Variants in ZNF181 observed in about 807,000 individuals in gnomAD.
ZNF181 encodes zinc finger protein 181 (HHZ181).
In ZNF181, 8 loss-of-function variants were observed where a neutral mutation model predicts 11.9. The ratio of observed to expected loss-of-function variants is 0.67; its 90% CI spans 0.39 to 1.21. ZNF181 has a LOEUF of 1.21. ZNF181 is among the 50% of genes most tolerant of loss of function. The probability of loss-of-function intolerance (pLI) is 0.01; values close to 1 mark genes in which losing one functional copy is unlikely to be tolerated. For missense variants in ZNF181, 542 were observed against 670.9 expected, an observed-to-expected ratio of 0.81 and a Z score of 2.12; for synonymous variants, 202 against 221.1, an observed-to-expected ratio of 0.91 and a Z score of 0.77.
Position 34,736,330 on chromosome 19 carries a change from G to C in ZNF181, c.9+1284G>C, listed in dbSNP as rs942565970. On this transcript the variant is annotated intron_variant, in intron 1 of 3. Transcript: ENST00000492450. ...CAGCTATTCGGGAGGGTGATGAGTT[G>C]AGAAAATTTCTTGAACCCTGTGGTG... 8.1e-5 allele frequency: 50 copies of C among 613,852 alleles called. No homozygotes were observed. The African/African-American group carries it at 8.8e-4, about 11-fold the overall frequency. 38.0% of individuals were successfully genotyped at this position (613,852 alleles called of 1,614,324 possible). A position where few individuals can be genotyped will look rare whatever the true frequency, so the allele number is the denominator to read the frequency against.
At chr19:34,740,356 T>A (rs1161182837) in intron 3 of ZNF181, among the ~76,000 whole-genome samples, 1 of 152,348 alleles carries the variant, frequency 6.6e-6, no homozygotes, top group South Asian at 2.1e-4. Context: ...ACTTCCTTTT[T>A]TTCCATACTA....
At chr19:34,735,215 C>T (rs2068870016) in intron 1 of ZNF181, among the ~76,000 whole-genome samples, 169 bp downstream of exon 1, 1 of 152,196 alleles carries the variant, frequency 6.6e-6, no homozygotes, top group Non-Finnish European at 1.5e-5. Flanking sequence ...AGGTATTATC[C>T]TCCTCACCCA....
chr19:34,735,420 G>A (rs759092926), intron 1 of ZNF181, among the ~76,000 whole-genome samples: 5 of 152,188 alleles, frequency 3.3e-5, no homozygotes, highest in Non-Finnish European at 7.3e-5. Context: ...CCTATATTCA[G>A]ATCCTCTAGT....
chr19:34,739,699 T>G (rs528457783), intron 3 of ZNF181, 78 bp downstream of exon 3: 1 of 1,445,210 alleles, frequency 6.9e-7, no homozygotes, highest in South Asian at 1.2e-5. Context: ...TTATAGTGAG[T>G]GTGGAGGCAT....
chr19:34,739,458 C>G lies in ZNF181; in HGVS notation c.131-65C>G. The G allele has an allele frequency of 1.9e-6, 3 of 1,599,942 alleles. No individual in the cohort carries two copies. The South Asian group carries it at 3.3e-5, about 18-fold the overall frequency. On this transcript the variant is annotated intron_variant, in intron 2 of 3. Coordinates refer to ENST00000492450, the MANE Select transcript of ZNF181 (RefSeq NM_001029997.4). The stretch of plus-strand genomic sequence containing the variant: ...ATACCCTTCATCCCTTCCTGTGGTC[C>G]CTCTTGTGATGGCCTCTCATAATAG...
chr19:34,739,676 CTTTATAGTGAG>C, intron 3 of ZNF181, 55 bp downstream of exon 3: 1 of 1,589,474 alleles, frequency 6.3e-7, no homozygotes, highest in Non-Finnish European at 8.6e-7. Flanking sequence ...GTCCCAAACT[CTTTATAGTGAG>C]TTTATAGTGA....
chr19:34,741,038 C>T lies in ZNF181; in HGVS notation c.657C>T (p.Phe219=), dbSNP rs770620533. The stretch of plus-strand genomic sequence containing the variant: ...ATTCTAATAAAAGTGGGGCAGCCTT[C>T]AGCCAGGGCAAATCTCTTACCCTTC... ...LLNSNKSGAA[F]SQGKSLTLPQ... The change falls in exon 4 of 4, where the codon TTC becomes TTT. Residue 219 remains phenylalanine, a synonymous_variant. Coordinates refer to ENST00000492450, the MANE Select transcript of ZNF181 (RefSeq NM_001029997.4). 1.2e-6 allele frequency: 2 copies of T among 1,614,146 alleles called. No individual in the cohort carries two copies. Among genetic ancestry groups the T allele is most frequent in the Non-Finnish European group, 1.7e-6 (2 of 1,179,980 alleles).
chr19:34,743,483 G>A lies in ZNF181; in HGVS notation c.*1386G>A, dbSNP rs2069008293. On this transcript the variant is annotated 3_prime_UTR_variant, in exon 4 of 4. Transcript: ENST00000492450. ...ATGATGAACACTAATTATGTAATGAGTACTACTCATGTAGCCATGTGCATC... is the reference window on the plus strand; with the variant it reads ...ATGATGAACACTAATTATGTAATGAATACTACTCATGTAGCCATGTGCATC... 6.6e-6 allele frequency: 1 copy of A among 152,220 alleles called. No individual in the cohort carries two copies. The highest frequency in any genetic ancestry group is 1.5e-5 in the Non-Finnish European group (1 of 68,048). 9.4% of individuals were successfully genotyped at this position (152,220 alleles called of 1,614,324 possible).
rs1357422968 is a variant in ZNF181, at chr19:34,734,866, G to A, written c.-172G>A. 4.8e-6 allele frequency: 3 copies of A among 619,630 alleles called. No homozygotes were observed. In the South Asian group the frequency reaches 6.9e-5, roughly 14 times the overall value. The allele number at this position is 619,630 out of a possible 1,614,324, so 38.4% of individuals were successfully genotyped here. A position where few individuals can be genotyped will look rare whatever the true frequency, so the allele number is the denominator to read the frequency against. On this transcript the variant is annotated 5_prime_UTR_variant, in exon 1 of 4. Coordinates refer to ENST00000492450, the MANE Select transcript of ZNF181 (RefSeq NM_001029997.4). ...GTTCCCAGGGAGAGATTGGCGCCCT[G>A]GAGAGTGATTACCAGTGTGCCTTTC...
chr19:34,736,042 G>C, intron 1 of ZNF181: 1 of 691,376 alleles, frequency 1.4e-6, no homozygotes. Context: ...CCTGGTGGGA[G>C]GAATCTTTTT....
chr19:34,737,043 C>G (rs2068899569), intron 1 of ZNF181, among the ~76,000 whole-genome samples: 1 of 152,348 alleles, frequency 6.6e-6, no homozygotes, highest in African/African-American at 2.4e-5. Flanking sequence ...GCAAATTGAA[C>G]TGTAAGGTCT....
At position 34,744,284 on chromosome 19, in the gene ZNF181, T is replaced by C. The variant is rs1263099092; in HGVS notation, c.*2187T>C. 6.6e-6 allele frequency: 1 copy of C among 152,170 alleles called. No homozygotes were observed. The highest frequency in any genetic ancestry group is 1.5e-5 in the Non-Finnish European group (1 of 68,030). 9.4% of individuals were successfully genotyped at this position (152,170 alleles called of 1,614,324 possible). A position where few individuals can be genotyped will look rare whatever the true frequency, so the allele number is the denominator to read the frequency against. On this transcript the variant is annotated 3_prime_UTR_variant, in exon 4 of 4. Coordinates refer to ENST00000492450, the MANE Select transcript of ZNF181 (RefSeq NM_001029997.4). ...GTAAACTTTTACTATTTTGCAGGGATTTTATCTTTCATTTGATTTATTTTT... is the reference window on the plus strand; with the variant it reads ...GTAAACTTTTACTATTTTGCAGGGACTTTATCTTTCATTTGATTTATTTTT...
At chr19:34,738,463 T>A (rs1467529959) in intron 1 of ZNF181, among the ~76,000 whole-genome samples, 1 of 152,242 alleles carries the variant, frequency 6.6e-6, no homozygotes, top group East Asian at 1.9e-4. Flanking sequence ...GGCGATTAAG[T>A]TCAATACACG....
chr19:34,738,550 GT>G (rs896365038), intron 1 of ZNF181, among the ~76,000 whole-genome samples: 34 of 143,150 alleles, frequency 2.4e-4, no homozygotes, highest in East Asian at 8.0e-4. Context: ...TTTTGTTTTT[GT>G]TTTTTTTTTT....
At position 34,741,137 on chromosome 19, in the gene ZNF181, C is replaced by T. The variant is rs1483143766; in HGVS notation, c.756C>T (p.Leu252=). The change falls in exon 4 of 4, where the codon CTC becomes CTT. Residue 252 remains leucine, a synonymous_variant. Coordinates refer to ENST00000492450, the MANE Select transcript of ZNF181 (RefSeq NM_001029997.4). ...CGKAFGKQSI[L]NRHWRIHTGE... is the part of the protein sequence containing the mutation. Reference sequence around the variant, plus strand: ...AAGCCTTTGGCAAACAGTCAATCCTCAATCGCCACTGGAGAATTCATACAG... The same window carrying T: ...AAGCCTTTGGCAAACAGTCAATCCTTAATCGCCACTGGAGAATTCATACAG... 8.7e-6 allele frequency: 14 copies of T among 1,614,054 alleles called. No homozygotes were observed. Among genetic ancestry groups the T allele is most frequent in the Non-Finnish European group, 1.2e-5 (14 of 1,179,946 alleles).
In ZNF181 at chr19:34,741,990, A is replaced by C. The variant is rs2068987167; in HGVS notation, c.1609A>C (p.Arg537=). Residue 537 remains arginine (R), a synonymous_variant, in exon 4 of 4, where the codon AGA becomes CGA. Coordinates refer to ENST00000492450, the MANE Select transcript of ZNF181 (RefSeq NM_001029997.4). ...SKGSNLTAHQ[R]VHNGEKPNSV... ...AGGCTCAAATCTTACTGCCCATCAA[A>C]GAGTACATAATGGAGAGAAACCCAA... 2 of 1,613,720 alleles carry C rather than the reference A, an allele frequency of 1.2e-6. No individual in the cohort carries two copies. The highest frequency in any genetic ancestry group is 1.7e-6 in the Non-Finnish European group (2 of 1,179,872).
chr19:34,736,332 G>C, intron 1 of ZNF181: 1 of 614,086 alleles, frequency 1.6e-6, no homozygotes, highest in South Asian at 2.0e-5. Context: ...GATGAGTTGA[G>C]AAAATTTCTT....
Position 34,735,008 on chromosome 19 carries a change from A to G in ZNF181, c.-30A>G. The G allele has an allele frequency of 1.3e-6, 2 of 1,574,150 alleles. No homozygotes were observed. The highest frequency in any genetic ancestry group is 8.6e-7 in the Non-Finnish European group (1 of 1,159,142). On this transcript the variant is annotated 5_prime_UTR_variant, in exon 1 of 4. Transcript: ENST00000492450. ...TCTAAGATAAGAGCCTGGAAAGAGG[A>G]CTCTGTTGGCTGTTGGAAATTGCAG...
chr19:34,738,614 G>A (rs1170620145), intron 1 of ZNF181, among the ~76,000 whole-genome samples: 4 of 150,548 alleles, frequency 2.7e-5, no homozygotes, highest in African/African-American at 7.4e-5. Flanking sequence ...CGCAACCTCC[G>A]CCTCTTGGGT....
Sources: gnomAD v4.1 joint callset for allele counts (sites outside exome capture counted in the v4.1 genomes callset) on GRCh38, gnomAD v4.1.1 for gene constraint, MANE v1.5 for transcripts, NCBI Gene and HGNC (gene_info 2026-07-23, HGNC 2026-07-21) for gene names.